Variants in MEIS2 observed in about 807,000 individuals in gnomAD.
The protein encoded by MEIS2 is Meis homeobox 2.
A neutral mutation model predicts 58.6 loss-of-function variants in MEIS2; 9 were observed. The observed-to-expected ratio is 0.15, with a 90% CI of 0.09 to 0.27. The LOEUF (loss-of-function observed/expected upper bound fraction) is 0.27. Ranked by LOEUF, MEIS2 falls within the 10% of genes least tolerant of loss-of-function variation. MEIS2 has a pLI of 1.00. For synonymous variants in MEIS2, 221 were observed against 228.4 expected (o/e 0.97, Z 0.29); for missense variants, 427 against 635.0 (o/e 0.67, Z 3.52).
chr15:36,982,107 C>T (rs1608346), intron 8 of MEIS2, among the ~76,000 whole-genome samples: 128,554 of 152,076 alleles, frequency 0.85, 55,005 homozygotes, highest in Non-Finnish European at 0.91. Context: ...GCCTCCATAA[C>T]TGCACAAGCC....
chr15:37,079,691 TAATACATAAATAAATATCTAGCTATGAGG>T (rs1891936254), intron 7 of MEIS2, among the ~76,000 whole-genome samples: 1 of 152,176 alleles, frequency 6.6e-6, no homozygotes, highest in Non-Finnish European at 1.5e-5. Flanking sequence ...AACAACTGTA[TAATACATAAATAAATATCTAGCTATGAGG>T]AATTCTAGCC....
chr15:37,074,613 T>C (rs531038478), intron 7 of MEIS2, among the ~76,000 whole-genome samples: 16 of 152,124 alleles, frequency 1.1e-4, no homozygotes, highest in African/African-American at 4.8e-5. Context: ...AATGTCAGCA[T>C]AGGACAAAGG....
At chr15:37,014,378 G>T (rs1040918739) in intron 8 of MEIS2, among the ~76,000 whole-genome samples, 1 of 152,152 alleles carries the variant, frequency 6.6e-6, no homozygotes, top group African/African-American at 2.4e-5. Flanking sequence ...GTGGGGAAAT[G>T]ACATCATAAC....
At chr15:37,001,779 T>G (rs2060738031) in intron 8 of MEIS2, among the ~76,000 whole-genome samples, 1 of 152,196 alleles carries the variant, frequency 6.6e-6, no homozygotes, top group Admixed American at 6.5e-5. Context: ...CATTGTTTTC[T>G]TTAGATTCAT....
chr15:36,918,861 A>G (rs1031486178), intron 9 of MEIS2, among the ~76,000 whole-genome samples: 1 of 152,208 alleles, frequency 6.6e-6, no homozygotes. Context: ...GTTAGGTGGT[A>G]AGTTTGAATT....
chr15:37,048,221 A>G (rs2062761807), intron 7 of MEIS2, among the ~76,000 whole-genome samples: 1 of 152,202 alleles, frequency 6.6e-6, no homozygotes, highest in African/African-American at 2.4e-5. Context: ...TGTATTAACT[A>G]CATCAAACCT....
rs777260011 is a variant in MEIS2, at chr15:37,036,953, C to A, written c.761G>T (p.Gly254Val). 2.2e-5 allele frequency: 35 copies of A among 1,604,936 alleles called. No homozygotes were observed. In the East Asian group the frequency reaches 7.4e-4, roughly 34 times the overall value. ...AGGTGAAGCTACACTGTTGTCTAAA[C>A]CATCCCCTAGTAGAAAGAAATAAAA... ...SGDNSSEQGD[G>V]LDNSVASPGT... Residue 254 changes from glycine (G) to valine (V), a missense_variant, in exon 8 of 12, where the codon GGT becomes GTT. Physicochemically the swap from Gly to Val is moderately radical, Grantham distance 109 (BLOSUM62 -3). Around this residue, in one of 6 missense-constraint regions of MEIS2, gnomAD observed 138 missense variants for 263.0 expected, o/e 0.52. Coordinates refer to ENST00000561208, the MANE Select transcript of MEIS2 (RefSeq NM_170675.5).
At position 37,043,773 on chromosome 15, in the gene MEIS2, C is replaced by T. The variant is rs191666149; in HGVS notation, c.755-6814G>A. On this transcript the variant is annotated intron_variant, in intron 7 of 11. Coordinates refer to ENST00000561208, the MANE Select transcript of MEIS2 (RefSeq NM_170675.5). ...CGCAACCTTGGCTCACCGCAACCTC[C>T]ACCTCCCTGGTTCAAGCGATTCTCC... is the stretch of plus-strand genomic sequence containing the variant. 1.1e-3 allele frequency among the ~76,000 whole-genome samples: 161 copies of T among 151,090 alleles called. 2 individuals carry two copies. In the East Asian group the frequency reaches 0.029, roughly 27 times the overall value.
chr15:36,993,613 T>C (rs185083259), intron 8 of MEIS2, among the ~76,000 whole-genome samples: 1 of 152,300 alleles, frequency 6.6e-6, no homozygotes, highest in Non-Finnish European at 1.5e-5. Flanking sequence ...ACAGAAAATA[T>C]TTGTATATTA....
At chr15:37,025,753 CAAAA>C (rs35154978) in intron 8 of MEIS2, among the ~76,000 whole-genome samples, 2 of 96,856 alleles carry the variant, frequency 2.1e-5, no homozygotes, top group Middle Eastern at 6.8e-3. Context: ...ACTTGCTCTG[CAAAA>C]AAAAAAAAAA....
intron 6 of MEIS2, among the ~76,000 whole-genome samples, chr15:37,088,122 T>C (rs1893107908): frequency 6.6e-6 from 1 of 152,234 alleles, no homozygotes; most frequent in Non-Finnish European, 1.5e-5. Context: ...GCAAGTGATG[T>C]ACCTCATTTC....
intron 7 of MEIS2, among the ~76,000 whole-genome samples, chr15:37,062,286 T>C (rs1487141720): frequency 3.3e-5 from 5 of 152,218 alleles, no homozygotes; most frequent in African/African-American, 1.2e-4. Context: ...GGGGCCTAAG[T>C]ATCATTACAG....
chr15:36,995,999 A>ATGTGTGTGTGTGTGTGTGTG (rs1429615951), intron 8 of MEIS2, among the ~76,000 whole-genome samples: 10 of 102,606 alleles, frequency 9.7e-5, no homozygotes, highest in African/African-American at 3.3e-4. Flanking sequence ...ATATATATAT[A>ATGTGTGTGTGTGTGTGTGTG]TATGTATATA....
intron 8 of MEIS2, among the ~76,000 whole-genome samples, chr15:37,017,325 G>A (rs1385443998): frequency 2.0e-5 from 3 of 152,220 alleles, no homozygotes; most frequent in East Asian, 3.9e-4. Context: ...GAGTGTGGGC[G>A]GGGTTGGTGG....
intron 8 of MEIS2, among the ~76,000 whole-genome samples, chr15:36,951,156 G>A (rs546312785): frequency 4.6e-5 from 7 of 152,130 alleles, no homozygotes; most frequent in Admixed American, 1.3e-4. Context: ...ACTTCCTATC[G>A]AAATTCACCA....
At chr15:37,092,614 C>T (rs1350628348) in intron 6 of MEIS2, among the ~76,000 whole-genome samples, 1 of 149,700 alleles carries the variant, frequency 6.7e-6, no homozygotes, top group Non-Finnish European at 1.5e-5. Flanking sequence ...CACTCTTTAA[C>T]CTCGCCACTC....
Position 37,053,069 on chromosome 15 carries a change from G to T in MEIS2, c.755-16110C>A, listed in dbSNP as rs571794309. 2.0e-5 allele frequency among the ~76,000 whole-genome samples: 3 copies of T among 152,270 alleles called. No individual in the cohort carries two copies. The East Asian group carries it at 5.8e-4, about 29-fold the overall frequency. ...AACTGTAAAGGTTTTTGTTTGAGAG[G>T]AAAAGTTGTTCAACCTTTTCCCAGG... On this transcript the variant is annotated intron_variant, in intron 7 of 11. Transcript: ENST00000561208.
intron 7 of MEIS2, among the ~76,000 whole-genome samples, chr15:37,075,963 A>AAAGTGGTT (rs1343598411): frequency 6.6e-6 from 1 of 151,974 alleles, no homozygotes; most frequent in Non-Finnish European, 1.5e-5. Context: ...TAGCAGGGAT[A>AAAGTGGTT]CTAAAGTGGT....
rs550563805 is a variant in MEIS2, at chr15:37,018,586, AT to A, written c.900+18227del. ...ACAAAAATTATTATTGTGTAAGCTG[AT>A]TTGGAGTCCGAGTATTAAAGGCAAT... On this transcript the variant is annotated intron_variant, in intron 8 of 11. Transcript: ENST00000561208. 2.5e-3 allele frequency among the ~76,000 whole-genome samples: 383 copies of A among 152,352 alleles called. 1 individual carries two copies. Among genetic ancestry groups the A allele is most frequent in the Non-Finnish European group, 3.8e-3 (260 of 68,038 alleles).
Sources: allele counts gnomAD v4.1 joint callset (sites outside exome capture counted in the v4.1 genomes callset), GRCh38; gene constraint gnomAD v4.1.1; regional missense constraint gnomAD v4.1.1; transcripts MANE v1.5; gene names NCBI Gene and HGNC (gene_info 2026-07-23, HGNC 2026-07-21).